Variants in ARHGEF18 observed in about 807,000 individuals in gnomAD.
The protein encoded by ARHGEF18 is Rho/Rac guanine nucleotide exchange factor 18.
ARHGEF18 carries 93 observed loss-of-function variants against 155.7 expected under a neutral mutation model. The ratio of observed to expected loss-of-function variants is 0.60; its 90% CI spans 0.50 to 0.71. ARHGEF18 has a LOEUF of 0.71. ARHGEF18 is among the 30% of genes least tolerant of loss of function. ARHGEF18 has a pLI of 0.00. For synonymous variants in ARHGEF18, 742 were observed against 753.1 expected, an observed-to-expected ratio of 0.99 and a Z score of 0.24; for missense variants, 1,593 against 1,816.1, an observed-to-expected ratio of 0.88 and a Z score of 2.23.
At chr19:7,460,571 C>T (rs1163582447) in intron 20 of ARHGEF18, among the ~76,000 whole-genome samples, 1 of 151,674 alleles carries the variant, frequency 6.6e-6, no homozygotes, top group African/African-American at 2.4e-5. Flanking sequence ...CCAACCCTGG[C>T]AACAGGAATC....
At chr19:7,351,000 C>T (rs1178893414) in intron 1 of ARHGEF18, among the ~76,000 whole-genome samples, 1 of 152,080 alleles carries the variant, frequency 6.6e-6, no homozygotes, top group Non-Finnish European at 1.5e-5. Context: ...GACAGGGTTT[C>T]ACCATATTGG....
chr19:7,356,829 T>C (rs952017967), intron 1 of ARHGEF18, among the ~76,000 whole-genome samples: 2 of 152,194 alleles, frequency 1.3e-5, no homozygotes, highest in African/African-American at 4.8e-5. Context: ...ACGTACTTGT[T>C]CAAGGTAGCA....
At chr19:7,380,444 A>C (rs1970677851) in intron 7 of ARHGEF18, among the ~76,000 whole-genome samples, 1 of 147,978 alleles carries the variant, frequency 6.8e-6, no homozygotes. Flanking sequence ...GCACCACCAC[A>C]CTCCAGCCTG....
At chr19:7,425,862 T>C (rs542487432) in intron 10 of ARHGEF18, among the ~76,000 whole-genome samples, 112 of 151,402 alleles carry the variant, frequency 7.4e-4, no homozygotes, top group Admixed American at 1.5e-3. Flanking sequence ...TAGCCAGACA[T>C]ATTGGTGTGT....
rs1976509122 is a variant in ARHGEF18 at position 7,464,698 on chromosome 19, G to T, written c.2904+8G>T. 4 of 1,613,816 alleles carry T rather than the reference G, an allele frequency of 2.5e-6. No homozygotes were observed. In the East Asian group the frequency reaches 8.9e-5, roughly 36 times the overall value. ...GAGGAATCGCCGCAGGTGGTACGTG[G>T]ATATCCATTTGCTCGGTACAGTCTG... On this transcript the variant is annotated splice_region_variant and intron_variant, in intron 23 of 28. Transcript: ENST00000668164.
rs142783549 is a variant in ARHGEF18 at position 7,409,327 on chromosome 19, T to TAAA, written c.967+26142_967+26144dup. On this transcript the variant is annotated intron_variant, in intron 10 of 28. Coordinates refer to ENST00000668164, the MANE Select transcript of ARHGEF18 (RefSeq NM_001367823.1). The stretch of plus-strand genomic sequence containing the variant: ...ACCGCGTCCGGCCGACCCTGTTTCT[T>TAAA]AAAAAAAAAAAAAAAAAAAAGACTT... Among the ~76,000 whole-genome samples the TAAA allele has an allele frequency of 1.9e-3, 221 of 114,632 alleles. 9 individuals are homozygous for TAAA. The highest frequency in any genetic ancestry group is 5.6e-3 in the African/African-American group (168 of 29,834). 75.2% of individuals were successfully genotyped at this position (114,632 alleles called of 152,430 possible).
chr19:7,464,327 C>T (rs941341257), intron 22 of ARHGEF18, among the ~76,000 whole-genome samples: 4 of 152,168 alleles, frequency 2.6e-5, no homozygotes, highest in Non-Finnish European at 5.9e-5. Context: ...TGTGAGCCAC[C>T]GCACCCAGCC....
intron 2 of ARHGEF18, among the ~76,000 whole-genome samples, chr19:7,364,671 G>C (rs1015927544): frequency 6.6e-6 from 1 of 152,200 alleles, no homozygotes; most frequent in Non-Finnish European, 1.5e-5. Flanking sequence ...GATGGTGTGT[G>C]GCTGGGACTG....
intron 8 of ARHGEF18, among the ~76,000 whole-genome samples, chr19:7,381,823 C>T (rs1970759901): frequency 6.6e-6 from 1 of 152,092 alleles, no homozygotes; most frequent in South Asian, 2.1e-4. Context: ...CCCTGAATCC[C>T]TCTCTCTCCC....
chr19:7,359,187 G>A (rs1327580655), intron 1 of ARHGEF18, among the ~76,000 whole-genome samples: 2 of 152,120 alleles, frequency 1.3e-5, no homozygotes, highest in African/African-American at 4.8e-5. Flanking sequence ...GGGGACTGGA[G>A]TCTATAGGGG....
intron 2 of ARHGEF18, among the ~76,000 whole-genome samples, chr19:7,371,745 C>T (rs552769661): frequency 2.6e-5 from 4 of 151,632 alleles, no homozygotes; most frequent in African/African-American, 7.3e-5. Context: ...CACTTGAACC[C>T]GGGAGGTGAA....
chr19:7,387,488 A>T (rs552946835), intron 10 of ARHGEF18, among the ~76,000 whole-genome samples: 2 of 152,022 alleles, frequency 1.3e-5, no homozygotes, highest in Admixed American at 6.6e-5. Context: ...GTTTGTTTGC[A>T]TACGCTGAAA....
At chr19:7,450,902 C>G (rs796239754) in intron 15 of ARHGEF18, among the ~76,000 whole-genome samples, 71 of 1,458 alleles carry the variant, frequency 0.049, no homozygotes, top group African/African-American at 0.088. Context: ...CTTGCTGTAC[C>G]TTTCTGAGAT....
In ARHGEF18 at chr19:7,451,163, C is replaced by G. The variant is rs1218591563; in HGVS notation, c.1752C>G (p.Phe584Leu). The G allele has an allele frequency of 6.6e-7, 1 of 1,515,810 alleles. No individual in the cohort carries two copies. Among genetic ancestry groups the G allele is most frequent in the African/African-American group, 2.2e-5 (1 of 44,788 alleles). The allele number at this position is 1,515,810 out of a possible 1,614,324, so 93.9% of individuals were successfully genotyped here. A position where few individuals can be genotyped will look rare whatever the true frequency, so the allele number is the denominator to read the frequency against. The change falls in exon 16 of 29, where the codon TTC (phenylalanine) becomes TTG (leucine). Residue 584 changes from phenylalanine to leucine, a missense_variant. Physicochemically the swap from Phe to Leu is conservative, Grantham distance 22. Transcript: ENST00000668164. The stretch of plus-strand genomic sequence containing the variant: ...CTGTTTCCTAGAAAATTGGCAACTT[C>G]TCCATCGTGCGGCGGCTTGGCGTGC... Reference protein sequence around the residue: ...FQNLIKKIGNFSIVRRLGVQE... With the variant: ...FQNLIKKIGNLSIVRRLGVQE...
chr19:7,453,871 C>G (rs1174448386), intron 17 of ARHGEF18, among the ~76,000 whole-genome samples, 156 bp downstream of exon 17: 4 of 151,528 alleles, frequency 2.6e-5, no homozygotes, highest in Admixed American at 6.6e-5. Flanking sequence ...GGTGGGTACT[C>G]TCTTGATTGG....
chr19:7,373,108 C>A, intron 3 of ARHGEF18, 37 bp downstream of exon 3: 2 of 1,234,276 alleles, frequency 1.6e-6, no homozygotes, highest in East Asian at 3.2e-5. Flanking sequence ...CCACAATGCA[C>A]CCCTGGGACA....
rs1331174015 is a variant in ARHGEF18, at chr19:7,353,925, C to G, written c.-111+4684C>G. On this transcript the variant is annotated intron_variant, in intron 1 of 28. Transcript: ENST00000668164. ...CAGTGAGCTGAGATCAGCCACTGCA[C>G]TCCAGTCTGGGTGACAGAGCAAGAC... Among the ~76,000 whole-genome samples, 4 of 144,124 alleles carry G rather than the reference C, an allele frequency of 2.8e-5. No individual in the cohort carries two copies. The East Asian group carries it at 8.2e-4, about 30-fold the overall frequency. 94.6% of individuals were successfully genotyped at this position (144,124 alleles called of 152,430 possible).
intron 10 of ARHGEF18, among the ~76,000 whole-genome samples, chr19:7,427,716 C>T (rs977840187): frequency 6.6e-6 from 1 of 151,428 alleles, no homozygotes; most frequent in African/African-American, 2.4e-5. Context: ...GAGGCTGAGG[C>T]AGGCAGATTT....
At chr19:7,386,163 G>A (rs1971062030) in intron 10 of ARHGEF18, among the ~76,000 whole-genome samples, 1 of 148,290 alleles carries the variant, frequency 6.7e-6, no homozygotes, top group South Asian at 2.1e-4. Context: ...GGGACCACAT[G>A]CATATATAAC....
Sources: allele counts gnomAD v4.1 joint callset (sites outside exome capture counted in the v4.1 genomes callset), GRCh38; gene constraint gnomAD v4.1.1; transcripts MANE v1.5; gene names NCBI Gene and HGNC (gene_info 2026-07-23, HGNC 2026-07-21).